AIM2: variants seen among roughly 807,000 people sequenced by gnomAD.
AIM2 encodes absent in melanoma 2, also known as interferon-inducible protein AIM2.
In AIM2, 30 loss-of-function variants were observed where a neutral mutation model predicts 27.7. That is an observed-to-expected ratio of 1.08 (90% CI 0.81 to 1.47). AIM2 has a LOEUF of 1.47. Ranked by LOEUF, AIM2 falls within the 40% of genes most tolerant of loss-of-function variation. AIM2 has a pLI of 0.00. For missense variants in AIM2, 358 were observed against 411.3 expected (o/e 0.87, Z 1.12); for synonymous variants, 141 against 145.3 (o/e 0.97, Z 0.21).
chr1:159,084,810 CACACAT>C (rs1467684361), intron 1 of AIM2, among the ~76,000 whole-genome samples: 21 of 145,628 alleles, frequency 1.4e-4, no homozygotes, highest in African/African-American at 5.0e-4. Flanking sequence ...CACACACACA[CACACAT>C]ACAGACACAC....
intron 4 of AIM2, among the ~76,000 whole-genome samples, chr1:159,065,512 G>A (rs1352647365): frequency 6.6e-6 from 1 of 152,004 alleles, no homozygotes; most frequent in Non-Finnish European, 1.5e-5. Flanking sequence ...GGTTTTTCAG[G>A]TCATTAATCT....
intron 5 of AIM2, among the ~76,000 whole-genome samples, chr1:159,063,053 TC>T (rs1248647121): frequency 6.6e-6 from 1 of 152,038 alleles, no homozygotes; most frequent in Non-Finnish European, 1.5e-5. Flanking sequence ...TGGTGGAAGG[TC>T]AAGAGTAGGG....
rs1208683668 is a variant in AIM2, at chr1:159,064,899, G to GTCAGTTATTTAGGAGATTGA, written c.816+991_816+1010dup. On this transcript the variant is annotated intron_variant, in intron 4 of 5. Coordinates refer to ENST00000368130, the MANE Select transcript of AIM2 (RefSeq NM_004833.3). Reference sequence around the variant, plus strand: ...TAGATCCAAAGGGAACAGGAGGTTGGTCAGTTATTTAGGAGATTGATCGTA... The same window carrying GTCAGTTATTTAGGAGATTGA: ...TAGATCCAAAGGGAACAGGAGGTTGGTCAGTTATTTAGGAGATTGATCAGTTATTTAGGAGATTGATCGTA... 2.6e-5 allele frequency among the ~76,000 whole-genome samples: 4 copies of GTCAGTTATTTAGGAGATTGA among 152,346 alleles called. No homozygotes were observed. The South Asian group carries it at 8.3e-4, about 32-fold the overall frequency.
chr1:159,079,087 TA>T (rs138560806), upstream of AIM2, among the ~76,000 whole-genome samples: 1,623 of 147,614 alleles, frequency 0.011, 22 homozygotes, highest in African/African-American at 0.038. Context: ...GCCTCCAACT[TA>T]AAAAAAAAAC....
At chr1:159,123,509 T>G (rs1212180078) in intron 1 of AIM2, 1 of 152,240 alleles carries the variant, frequency 6.6e-6, no homozygotes, top group Non-Finnish European at 1.5e-5. Flanking sequence ...TTTCCTTGTT[T>G]TCTCTATTAC....
downstream of AIM2, among the ~76,000 whole-genome samples, chr1:159,062,196 A>G (rs917449264): frequency 1.6e-4 from 24 of 152,186 alleles, no homozygotes; most frequent in African/African-American, 5.1e-4. Flanking sequence ...ATAACACAAA[A>G]TTGTGTTATT....
rs35354479 is a variant in AIM2 at position 159,126,648 on chromosome 1, C to CAAA, written c.-16+13780_-16+13782dup. 9.1e-3 allele frequency among the ~76,000 whole-genome samples: 1,027 copies of CAAA among 113,160 alleles called. 24 individuals are homozygous for CAAA. Among genetic ancestry groups the CAAA allele is most frequent in the Non-Finnish European group, 0.013 (731 of 57,952 alleles). The allele number at this position is 113,160 out of a possible 152,430, so 74.2% of individuals were successfully genotyped here. A position where few individuals can be genotyped will look rare whatever the true frequency, so the allele number is the denominator to read the frequency against. On this transcript the variant is annotated intron_variant, in intron 1 of 2. Coordinates refer to the AIM2 transcript ENST00000368129. The stretch of plus-strand genomic sequence containing the variant: ...TGGGTGACAGAGCGAGACTACGTCT[C>CAAA]AAAAAAAAAAAAAAAAAAATTGATA...
chr1:159,079,996 A>G (rs1449969390), upstream of AIM2, among the ~76,000 whole-genome samples: 1 of 152,140 alleles, frequency 6.6e-6, no homozygotes, highest in East Asian at 1.9e-4. Flanking sequence ...AGATTCCTCC[A>G]TGGTTTTTCA....
intron 1 of AIM2, among the ~76,000 whole-genome samples, chr1:159,122,636 G>A (rs898443704): frequency 8.5e-5 from 13 of 152,170 alleles, no homozygotes; most frequent in African/African-American, 2.2e-4. Context: ...GAGAAGGAAC[G>A]CAAAGGAACA....
intron 1 of AIM2, among the ~76,000 whole-genome samples, chr1:159,103,768 C>G (rs140531430): frequency 6.6e-6 from 1 of 152,278 alleles, no homozygotes; most frequent in African/African-American, 2.4e-5. Context: ...ATAGCCTTCC[C>G]GAATAACAAA....
chr1:159,101,215 G>A (rs1017633291), intron 1 of AIM2, among the ~76,000 whole-genome samples: 1 of 152,138 alleles, frequency 6.6e-6, no homozygotes, highest in African/African-American at 2.4e-5. Context: ...TCTCCATGCT[G>A]TTCCCATGAT....
chr1:159,114,356 A>G (rs1386129550), intron 1 of AIM2, among the ~76,000 whole-genome samples: 1 of 152,246 alleles, frequency 6.6e-6, no homozygotes, highest in Non-Finnish European at 1.5e-5. Context: ...TGTGGCCTTG[A>G]GTTTAGTGGG....
In AIM2 at chr1:159,106,162, A is replaced by G. The variant is rs532874908; in HGVS notation, c.-16+34269T>C. Reference sequence around the variant, plus strand: ...GAGAGGGGGCTTCCAAACCCCCAAGAGCACAGCAACGCTGGGTCCGGAGCT... The same window carrying G: ...GAGAGGGGGCTTCCAAACCCCCAAGGGCACAGCAACGCTGGGTCCGGAGCT... On this transcript the variant is annotated intron_variant, in intron 1 of 2. Transcript: ENST00000368129. Among the ~76,000 whole-genome samples the G allele has an allele frequency of 2.6e-5, 4 of 152,242 alleles. No homozygotes were observed. In the East Asian group the frequency reaches 7.7e-4, roughly 29 times the overall value.
At position 159,062,567 on chromosome 1, in the gene AIM2, G is replaced by T; in HGVS notation, c.*125C>A. ...AGCAATTATTCTATCCTAATTTGGT[G>T]GAGAGAGGAGCCTGTGAACTGCAGC... is the stretch of plus-strand genomic sequence containing the variant. On this transcript the variant is annotated 3_prime_UTR_variant, in exon 6 of 6. Coordinates refer to ENST00000368130, the MANE Select transcript of AIM2 (RefSeq NM_004833.3). 1 of 813,098 alleles carries T rather than the reference G, an allele frequency of 1.2e-6. No individual in the cohort carries two copies. Among genetic ancestry groups the T allele is most frequent in the East Asian group, 2.6e-5 (1 of 39,050 alleles). 50.4% of individuals were successfully genotyped at this position (813,098 alleles called of 1,614,324 possible). A position where few individuals can be genotyped will look rare whatever the true frequency, so the allele number is the denominator to read the frequency against.
At chr1:159,145,685 C>G (rs1429897677) in intron 1 of AIM2, among the ~76,000 whole-genome samples, 1 of 152,162 alleles carries the variant, frequency 6.6e-6, no homozygotes, top group Non-Finnish European at 1.5e-5. Flanking sequence ...TAGTCAAGGT[C>G]ACAAGAAAGT....
chr1:159,136,889 A>C lies in AIM2; in HGVS notation c.-16+3542T>G, dbSNP rs191033343. ...GATGATAAATCACTTTTGTAGGTGG[A>C]CTGTTACAAAACCCTCCACCTCTGG... On this transcript the variant is annotated intron_variant, in intron 1 of 2. Coordinates refer to the AIM2 transcript ENST00000368129. Among the ~76,000 whole-genome samples, 1,421 of 152,260 alleles carry C rather than the reference A, an allele frequency of 9.3e-3. 10 individuals carry two copies. Among genetic ancestry groups the C allele is most frequent in the Non-Finnish European group, 0.014 (976 of 68,016 alleles).
intron 1 of AIM2, among the ~76,000 whole-genome samples, chr1:159,126,482 C>T (rs1168690336): frequency 6.6e-6 from 1 of 151,852 alleles, no homozygotes; most frequent in Non-Finnish European, 1.5e-5. Flanking sequence ...CCTGTCTCTA[C>T]TAAAAATACA....
At chr1:159,097,091 G>A (rs1487880538) in intron 1 of AIM2, among the ~76,000 whole-genome samples, 3 of 151,950 alleles carry the variant, frequency 2.0e-5, no homozygotes, top group Non-Finnish European at 4.4e-5. Flanking sequence ...TTCTTGAGCT[G>A]CAGGAGACAG....
chr1:159,096,515 T>C (rs928416985), intron 1 of AIM2, among the ~76,000 whole-genome samples: 1 of 152,190 alleles, frequency 6.6e-6, no homozygotes, highest in Non-Finnish European at 1.5e-5. Context: ...TTAAAAATTT[T>C]ATGGATTTTG....
Sources: gnomAD v4.1 joint callset for allele counts (sites outside exome capture counted in the v4.1 genomes callset) on GRCh38, gnomAD v4.1.1 for gene constraint, MANE v1.5 for transcripts, NCBI Gene and HGNC (gene_info 2026-07-23, HGNC 2026-07-21) for gene names.